The following APBB2 variants were observed in gnomAD, a reference collection of about 807,000 sequenced individuals.
APBB2 encodes Fe65-like 1.
A neutral mutation model predicts 82.5 loss-of-function variants in APBB2; 38 were observed. The observed-to-expected ratio is 0.46, with a 90% CI of 0.36 to 0.60. The LOEUF (loss-of-function observed/expected upper bound fraction) is 0.60. Ranked by LOEUF, APBB2 falls within the 20% of genes least tolerant of loss-of-function variation. The pLI, the probability that APBB2 is intolerant of heterozygous loss-of-function variation, is 0.00. For synonymous variants in APBB2, 341 were observed against 368.2 expected, an observed-to-expected ratio of 0.93 and a Z score of 0.85; for missense variants, 772 against 972.3, an observed-to-expected ratio of 0.79 and a Z score of 2.74.
intron 12 of APBB2, among the ~76,000 whole-genome samples, chr4:40,838,121 C>T (rs944464153): frequency 5.4e-5 from 8 of 148,868 alleles, no homozygotes; most frequent in African/African-American, 2.0e-4. Flanking sequence ...ATAAATGATT[C>T]TTTATTCAAG....
At chr4:41,212,864 C>G (rs964405324) in intron 1 of APBB2, among the ~76,000 whole-genome samples, 2 of 152,292 alleles carry the variant, frequency 1.3e-5, no homozygotes, top group South Asian at 2.1e-4. Flanking sequence ...CCTTCACGAA[C>G]GATGCCATTT....
chr4:41,002,849 T>C (rs939462076), intron 6 of APBB2, among the ~76,000 whole-genome samples: 5 of 152,242 alleles, frequency 3.3e-5, no homozygotes, highest in Admixed American at 1.3e-4. Flanking sequence ...ATTGCCTTTG[T>C]AGTGCCCTAA....
At position 41,018,981 on chromosome 4, in the gene APBB2, G is replaced by C. The variant is rs116640789; in HGVS notation, c.20-4583C>G. Among the ~76,000 whole-genome samples the C allele has an allele frequency of 6.6e-3, 1,007 of 152,272 alleles. 16 individuals are homozygous for C. The highest frequency in any genetic ancestry group is 0.022 in the African/African-American group (897 of 41,544). ...TTCCAGCTCTGGTCAATCATCCCTT[G>C]AACAGGGCAGAAAGATAAGGTTCCC... On this transcript the variant is annotated intron_variant, in intron 5 of 17. Transcript: ENST00000508593.
chr4:41,184,144 G>A (rs1307480037), intron 1 of APBB2, among the ~76,000 whole-genome samples: 3 of 152,062 alleles, frequency 2.0e-5, no homozygotes, highest in Non-Finnish European at 4.4e-5. Flanking sequence ...ATCTGACAGG[G>A]GGCAGAGCTC....
chr4:41,193,319 A>G (rs1455850813), intron 1 of APBB2, among the ~76,000 whole-genome samples: 1 of 152,254 alleles, frequency 6.6e-6, no homozygotes, highest in African/African-American at 2.4e-5. Flanking sequence ...CCTCTTAGGC[A>G]CTTTACATAT....
chr4:40,855,593 G>A (rs1040271691), intron 12 of APBB2, among the ~76,000 whole-genome samples: 7 of 152,076 alleles, frequency 4.6e-5, no homozygotes, highest in African/African-American at 9.7e-5. Flanking sequence ...GAAATTAGCC[G>A]GGTGTGGTGG....
chr4:41,179,289 G>C (rs1770686590), intron 1 of APBB2, among the ~76,000 whole-genome samples: 1 of 152,190 alleles, frequency 6.6e-6, no homozygotes, highest in Non-Finnish European at 1.5e-5. Context: ...CATTCACACA[G>C]CCTGAGATGT....
intron 4 of APBB2, among the ~76,000 whole-genome samples, chr4:41,036,114 C>T (rs1719070618): frequency 6.6e-6 from 1 of 152,120 alleles, no homozygotes; most frequent in Non-Finnish European, 1.5e-5. Flanking sequence ...GCTATGATTG[C>T]ACCATTGCAT....
At chr4:41,174,690 T>A (rs914805876) in intron 1 of APBB2, among the ~76,000 whole-genome samples, 7 of 152,182 alleles carry the variant, frequency 4.6e-5, no homozygotes, top group Non-Finnish European at 8.8e-5. Flanking sequence ...GTGTTGCTGA[T>A]CTTGTGAGGT....
chr4:41,145,382 C>T (rs1760437599), intron 1 of APBB2, among the ~76,000 whole-genome samples: 1 of 152,174 alleles, frequency 6.6e-6, no homozygotes, highest in African/African-American at 2.4e-5. Context: ...TTTGCCTCCA[C>T]TTTGACCAAG....
At chr4:40,962,238 A>AT (rs1176583975) in intron 6 of APBB2, among the ~76,000 whole-genome samples, 5 of 152,040 alleles carry the variant, frequency 3.3e-5, no homozygotes, top group South Asian at 2.1e-4. Context: ...AGAAACTGCC[A>AT]TTTTTTTTAA....
intron 2 of APBB2, among the ~76,000 whole-genome samples, chr4:41,141,643 GC>G (rs1351288552): frequency 6.6e-6 from 1 of 152,184 alleles, no homozygotes; most frequent in Non-Finnish European, 1.5e-5. Flanking sequence ...CTGAGACTGG[GC>G]AGTTTACAAA....
At chr4:41,149,830 G>C (rs1276056573) in intron 1 of APBB2, among the ~76,000 whole-genome samples, 1 of 151,812 alleles carries the variant, frequency 6.6e-6, no homozygotes. Context: ...AGTCTCACGA[G>C]ATCTGATGGT....
At chr4:41,209,345 A>AG (rs2154081446) in intron 1 of APBB2, among the ~76,000 whole-genome samples, 1 of 152,312 alleles carries the variant, frequency 6.6e-6, no homozygotes, top group South Asian at 2.1e-4. Flanking sequence ...CCAAGAAAAA[A>AG]GAAAAAAAAG....
chr4:41,087,530 G>A (rs1189497572), intron 3 of APBB2, among the ~76,000 whole-genome samples: 1 of 152,092 alleles, frequency 6.6e-6, no homozygotes, highest in Non-Finnish European at 1.5e-5. Context: ...CCCAGGTGAA[G>A]TGATCCTTCC....
chr4:41,013,706 T>C lies in APBB2; in HGVS notation c.712A>G (p.Lys238Glu). Residue 238 changes from lysine (K) to glutamate (E), a missense_variant, in exon 6 of 18, where the codon AAA (lysine) becomes GAA (glutamate). Physicochemically the swap from Lys to Glu is moderately conservative, Grantham distance 56. Transcript: ENST00000508593. The stretch of plus-strand genomic sequence containing the variant: ...GCACAGTCGGTTTTGGCCCCTGTTT[T>C]CGGATGATCCTTCTTGGTTTCTGGG... ...SSPETKKDHP[K>E]TGAKTDCALH... The C allele has an allele frequency of 6.2e-7, 1 of 1,614,192 alleles. No homozygotes were observed. Among genetic ancestry groups the C allele is most frequent in the Non-Finnish European group, 8.5e-7 (1 of 1,180,032 alleles).
intron 2 of APBB2, among the ~76,000 whole-genome samples, chr4:41,136,135 C>G (rs1191363319): frequency 6.6e-6 from 1 of 152,216 alleles, no homozygotes; most frequent in African/African-American, 2.4e-5. Flanking sequence ...ATCCCAACTT[C>G]AGCTGGCAAA....
chr4:41,043,382 AAACT>A (rs138010520), intron 4 of APBB2, among the ~76,000 whole-genome samples: 1,677 of 152,348 alleles, frequency 0.011, 24 homozygotes, highest in African/African-American at 0.038. Flanking sequence ...TAAATGAAAA[AAACT>A]AACTGTAAAA....
At chr4:41,123,822 C>CA (rs145013488) in intron 2 of APBB2, among the ~76,000 whole-genome samples, 1,841 of 145,484 alleles carry the variant, frequency 0.013, 23 homozygotes, top group African/African-American at 0.031. Flanking sequence ...CTCTGTCTCA[C>CA]AAAAAAAAAC....
Sources: gnomAD v4.1 joint callset for allele counts (sites outside exome capture counted in the v4.1 genomes callset) on GRCh38, gnomAD v4.1.1 for gene constraint, MANE v1.5 for transcripts, NCBI Gene and HGNC (gene_info 2026-07-23, HGNC 2026-07-21) for gene names.